The following SHQ1 variants were observed in gnomAD, a reference collection of about 807,000 sequenced individuals.
The protein encoded by SHQ1 is SHQ1, H/ACA ribonucleoprotein assembly factor, also known as protein SHQ1 homolog.
In SHQ1, 49 loss-of-function variants were observed where a neutral mutation model predicts 53.8. That is an observed-to-expected ratio of 0.91 (90% confidence interval 0.72 to 1.16). SHQ1 has a LOEUF of 1.16. Among genes scored for constraint, SHQ1 ranks in the 50% most tolerant of loss-of-function variants. The probability of loss-of-function intolerance (pLI) is 0.00; values close to 1 mark genes in which losing one functional copy is unlikely to be tolerated. For synonymous variants in SHQ1, 243 were observed against 251.0 expected (o/e 0.97, Z 0.30); for missense variants, 738 against 683.1 (o/e 1.08, Z -0.90).
rs1705330982 is a variant in SHQ1, at chr3:72,750,028, C to T, written c.*256G>A. 4.4e-6 allele frequency: 2 copies of T among 459,370 alleles called. No individual in the cohort carries two copies. Among genetic ancestry groups the T allele is most frequent in the Non-Finnish European group, 3.8e-6 (1 of 259,952 alleles). The allele number at this position is 459,370 out of a possible 1,614,324, so 28.5% of individuals were successfully genotyped here. A position where few individuals can be genotyped will look rare whatever the true frequency, so the allele number is the denominator to read the frequency against. On this transcript the variant is annotated 3_prime_UTR_variant, in exon 11 of 11. Coordinates refer to ENST00000325599, the MANE Select transcript of SHQ1 (RefSeq NM_018130.3). ...TATATTACCCAATACAATGTAAATG[C>T]TGTGGAAATAGTTGTCATACTGTAT...
intron 5 of SHQ1, among the ~76,000 whole-genome samples, chr3:72,829,037 AT>A (rs1707752346): frequency 6.6e-6 from 1 of 151,322 alleles, no homozygotes; most frequent in Non-Finnish European, 1.5e-5. Flanking sequence ...CCAGAAACTG[AT>A]GAAGTGAAAA....
the SHQ1 span, among the ~76,000 whole-genome samples, chr3:72,738,764 G>A: frequency 1.3e-5 from 2 of 152,166 alleles, no homozygotes; most frequent in African/African-American, 4.8e-5. Context: ...CCCCTCAGTC[G>A]ACTGTGATTA....
Position 72,759,466 on chromosome 3 carries a change from G to A in SHQ1, c.1182-8630C>T, listed in dbSNP as rs147541454. On this transcript the variant is annotated intron_variant, in intron 10 of 10. Coordinates refer to ENST00000325599, the MANE Select transcript of SHQ1 (RefSeq NM_018130.3). ...AGCACTTTGGGAGGCCAAGGTGGGC[G>A]GATCACTTGAGGTCAGGAGTTCGAG... Among the ~76,000 whole-genome samples the A allele has an allele frequency of 1.4e-3, 210 of 152,242 alleles. 1 individual carries two copies. The highest frequency in any genetic ancestry group is 2.8e-3 in the Non-Finnish European group (188 of 68,022).
At chr3:72,726,711 G>T in the SHQ1 span, among the ~76,000 whole-genome samples, 1 of 152,166 alleles carries the variant, frequency 6.6e-6, no homozygotes, top group East Asian at 1.9e-4. Flanking sequence ...CAAGCTCAGG[G>T]CGAAGCTCAT....
At chr3:72,817,159 A>C (rs184849671) in intron 7 of SHQ1, 71 bp downstream of exon 7, 2 of 1,499,668 alleles carry the variant, frequency 1.3e-6, no homozygotes, top group African/African-American at 2.8e-5. Flanking sequence ...CTAGACAAGA[A>C]AGACTGATGC....
intron 10 of SHQ1, among the ~76,000 whole-genome samples, chr3:72,779,227 G>A (rs1706022726): frequency 6.6e-6 from 1 of 152,002 alleles, no homozygotes; most frequent in Non-Finnish European, 1.5e-5. Flanking sequence ...CAGCCACCTT[G>A]ACCTTCTTGC....
At chr3:72,775,382 C>T (rs573718181) in intron 10 of SHQ1, among the ~76,000 whole-genome samples, 1 of 150,160 alleles carries the variant, frequency 6.7e-6, no homozygotes, top group South Asian at 2.1e-4. Flanking sequence ...AATAAAGAAC[C>T]GGAATAGTCC....
intron 10 of SHQ1, among the ~76,000 whole-genome samples, chr3:72,790,931 A>AAT (rs1299141703): frequency 6.6e-6 from 1 of 152,186 alleles, no homozygotes; most frequent in Non-Finnish European, 1.5e-5. Context: ...AAGTACTATT[A>AAT]GCACAACAAT....
chr3:72,812,666 C>G lies in SHQ1; in HGVS notation c.1060+5G>C. 1.2e-6 allele frequency: 2 copies of G among 1,613,760 alleles called. No homozygotes were observed. The highest frequency in any genetic ancestry group is 1.7e-6 in the Non-Finnish European group (2 of 1,179,852). ...CCCAAATTTGCAAGTACAGTAATAT[C>G]TTACCCAGTTGCAATATCTTTATAG... On this transcript the variant is annotated splice_donor_5th_base_variant and intron_variant, in intron 9 of 10. Coordinates refer to ENST00000325599, the MANE Select transcript of SHQ1 (RefSeq NM_018130.3).
At chr3:72,781,356 T>A (rs1295096422) in intron 10 of SHQ1, among the ~76,000 whole-genome samples, 1 of 152,036 alleles carries the variant, frequency 6.6e-6, no homozygotes, top group Non-Finnish European at 1.5e-5. Context: ...ATGCACAGCC[T>A]CAGGTGAGAT....
chr3:72,786,839 G>A (rs1706246842), intron 10 of SHQ1, among the ~76,000 whole-genome samples: 1 of 152,104 alleles, frequency 6.6e-6, no homozygotes, highest in Non-Finnish European at 1.5e-5. Context: ...ACTTTTACAT[G>A]CAATTCTGAT....
At chr3:72,806,867 G>A (rs1056732945) in intron 9 of SHQ1, among the ~76,000 whole-genome samples, 2 of 152,030 alleles carry the variant, frequency 1.3e-5, no homozygotes, top group Non-Finnish European at 2.9e-5. Flanking sequence ...TTCTTGTAAG[G>A]CACTTACCAC....
chr3:72,779,411 A>G (rs1706027277), intron 10 of SHQ1, among the ~76,000 whole-genome samples: 1 of 152,208 alleles, frequency 6.6e-6, no homozygotes, highest in African/African-American at 2.4e-5. Context: ...TAATCCCCTC[A>G]CCAGGCGAGG....
At chr3:72,725,697 C>T in the SHQ1 span, among the ~76,000 whole-genome samples, 4 of 152,102 alleles carry the variant, frequency 2.6e-5, no homozygotes, top group African/African-American at 4.8e-5. Flanking sequence ...CCTGGGACAC[C>T]GGAGGTACTC....
At chr3:72,846,377 C>A in intron 1 of SHQ1, 1 of 1,409,784 alleles carries the variant, frequency 7.1e-7, no homozygotes, top group Admixed American at 2.3e-5. Context: ...TCACTGCAAC[C>A]TTCGCCCCCC....
chr3:72,745,969 T>C (rs1046505727), downstream of SHQ1, among the ~76,000 whole-genome samples: 2 of 151,402 alleles, frequency 1.3e-5, no homozygotes, highest in Non-Finnish European at 2.9e-5. Context: ...CAGCCTCGAG[T>C]AGCTGGGATT....
intron 9 of SHQ1, among the ~76,000 whole-genome samples, chr3:72,811,700 C>G (rs1013298438): frequency 7.2e-5 from 11 of 152,202 alleles, no homozygotes; most frequent in South Asian, 6.2e-4. Flanking sequence ...AAGAAGACTA[C>G]AGGTTACACA....
At chr3:72,761,240 C>T (rs1172048749) in intron 10 of SHQ1, among the ~76,000 whole-genome samples, 3 of 152,050 alleles carry the variant, frequency 2.0e-5, no homozygotes. Flanking sequence ...GGCTCAATCA[C>T]AGCTCACTGC....
chr3:72,746,759 G>A (rs1705266347), downstream of SHQ1, among the ~76,000 whole-genome samples: 1 of 152,158 alleles, frequency 6.6e-6, no homozygotes, highest in Non-Finnish European at 1.5e-5. Context: ...AAAAATTGAT[G>A]GAAGGAAGAA....
Sources: gnomAD v4.1 joint callset for allele counts (sites outside exome capture counted in the v4.1 genomes callset) on GRCh38, gnomAD v4.1.1 for gene constraint, MANE v1.5 for transcripts, NCBI Gene and HGNC (gene_info 2026-07-23, HGNC 2026-07-21) for gene names.